ELP4: variants seen among roughly 807,000 people sequenced by gnomAD.
ELP4 encodes the protein elongator acetyltransferase complex subunit 4.
ELP4 carries 51 observed loss-of-function variants against 48.9 expected under a neutral mutation model. The ratio of observed to expected loss-of-function variants is 1.04; its 90% CI spans 0.83 to 1.32. The LOEUF (loss-of-function observed/expected upper bound fraction) is 1.32, where lower values mean the gene tolerates loss of function less well. ELP4 is among the 40% of genes most tolerant of loss of function. The pLI is 0.00. For synonymous variants in ELP4, 210 were observed against 189.2 expected (o/e 1.11, Z -0.90); for missense variants, 519 against 514.6 (o/e 1.01, Z -0.08).
At chr11:31,763,803 A>ATG (rs1361777183) in intron 9 of ELP4, among the ~76,000 whole-genome samples, 3 of 151,770 alleles carry the variant, frequency 2.0e-5, no homozygotes, top group African/African-American at 4.8e-5. Context: ...ACTTATTTTA[A>ATG]TGTTATATGA....
intron 3 of ELP4, among the ~76,000 whole-genome samples, chr11:31,553,865 G>A (rs1204488431): frequency 2.0e-5 from 3 of 152,042 alleles, no homozygotes; most frequent in Non-Finnish European, 4.4e-5. Flanking sequence ...TACTGGAACA[G>A]GGCCTCACAG....
intron 7 of ELP4, chr11:31,634,225 A>T (rs926043387): frequency 9.2e-5 from 14 of 152,048 alleles, no homozygotes; most frequent in South Asian, 2.1e-4. Context: ...AGGAAAAAAA[A>T]GTTACTGGCT....
At chr11:31,639,736 T>C (rs1945052131) in intron 7 of ELP4, among the ~76,000 whole-genome samples, 1 of 151,942 alleles carries the variant, frequency 6.6e-6, no homozygotes, top group Non-Finnish European at 1.5e-5. Context: ...GTCATTTTCA[T>C]CTTTAAAAGA....
chr11:31,659,042 C>T (rs868364431), intron 9 of ELP4, among the ~76,000 whole-genome samples: 41 of 151,648 alleles, frequency 2.7e-4, no homozygotes, highest in African/African-American at 8.0e-4. Flanking sequence ...TTTAGTAATA[C>T]GAAGAAATTG....
intron 9 of ELP4, among the ~76,000 whole-genome samples, chr11:31,728,715 A>G (rs1483220256): frequency 6.6e-6 from 1 of 152,198 alleles, no homozygotes; most frequent in Admixed American, 6.5e-5. Flanking sequence ...TGGATTAATG[A>G]TGTAGATCAT....
At chr11:31,714,262 G>T (rs1946798080) in intron 9 of ELP4, among the ~76,000 whole-genome samples, 1 of 152,110 alleles carries the variant, frequency 6.6e-6, no homozygotes, top group Admixed American at 6.5e-5. Context: ...AAAATCTCTT[G>T]TTGTAATTAA....
chr11:31,627,216 T>G, intron 6 of ELP4, 22 bp downstream of exon 6: 1 of 1,016,514 alleles, frequency 9.8e-7, no homozygotes, highest in Non-Finnish European at 1.4e-6. Flanking sequence ...CTTCAAAGTC[T>G]TTTATAATTA....
intron 9 of ELP4, among the ~76,000 whole-genome samples, chr11:31,780,995 C>T (rs1234024733): frequency 6.6e-6 from 1 of 152,226 alleles, no homozygotes; most frequent in Admixed American, 6.5e-5. Context: ...CCTTCGCCAA[C>T]TGTGATTTCT....
At chr11:31,732,377 G>A (rs1195521400) in intron 9 of ELP4, among the ~76,000 whole-genome samples, 1 of 151,136 alleles carries the variant, frequency 6.6e-6, no homozygotes. Context: ...TGTTATAATT[G>A]TAAAATGTTT....
At chr11:31,690,310 C>T (rs116754878) in intron 9 of ELP4, among the ~76,000 whole-genome samples, 146 of 152,170 alleles carry the variant, frequency 9.6e-4, no homozygotes, top group African/African-American at 3.0e-3. Context: ...TTAAAAGAAA[C>T]CTGTGCCACA....
intron 9 of ELP4, among the ~76,000 whole-genome samples, chr11:31,702,106 A>C (rs1946536185): frequency 6.6e-6 from 1 of 152,096 alleles, no homozygotes; most frequent in Admixed American, 6.6e-5. Context: ...TGAGATGGAA[A>C]GACTTTAAGC....
intron 5 of ELP4, among the ~76,000 whole-genome samples, chr11:31,620,160 T>C (rs1355646372): frequency 6.6e-6 from 1 of 152,002 alleles, no homozygotes; most frequent in Non-Finnish European, 1.5e-5. Context: ...AGGTTTGTGG[T>C]CATGAAGTTA....
intron 9 of ELP4, among the ~76,000 whole-genome samples, chr11:31,727,339 T>G (rs1947096781): frequency 6.6e-6 from 1 of 152,114 alleles, no homozygotes; most frequent in South Asian, 2.1e-4. Flanking sequence ...AGATCTTGAT[T>G]TATTGGCTCA....
Position 31,769,328 on chromosome 11 carries a change from T to G in ELP4, c.1144-14065T>G, listed in dbSNP as rs116904118. On this transcript the variant is annotated intron_variant, in intron 9 of 9. Coordinates refer to ENST00000640961, the MANE Select transcript of ELP4 (RefSeq NM_019040.5). The stretch of plus-strand genomic sequence containing the variant: ...GGCTATTATGCTCTGAGGACTCATT[T>G]GTGTACAGCCAAAAGGAAATCAACA... Among the ~76,000 whole-genome samples the G allele has an allele frequency of 3.4e-3, 524 of 152,302 alleles. 2 individuals are homozygous for G. The highest frequency in any genetic ancestry group is 0.014 in the South Asian group (67 of 4,820).
intron 1 of ELP4, among the ~76,000 whole-genome samples, chr11:31,516,015 G>A (rs1384617277): frequency 1.3e-5 from 2 of 152,092 alleles, no homozygotes; most frequent in Non-Finnish European, 2.9e-5. Flanking sequence ...GGAGGCAGAG[G>A]CAGGAGAATG....
At chr11:31,542,936 G>A (rs180731580) in intron 3 of ELP4, among the ~76,000 whole-genome samples, 2 of 152,206 alleles carry the variant, frequency 1.3e-5, no homozygotes. Context: ...CATGTTAAAT[G>A]GAAACATGGA....
At chr11:31,777,475 G>T (rs1045610007) in intron 9 of ELP4, among the ~76,000 whole-genome samples, 5 of 152,206 alleles carry the variant, frequency 3.3e-5, no homozygotes, top group African/African-American at 1.2e-4. Context: ...CTGAGTGAAT[G>T]CTTCTGGATG....
chr11:31,515,029 G>A (rs1269102382), intron 1 of ELP4, among the ~76,000 whole-genome samples: 242 of 132,650 alleles, frequency 1.8e-3, no homozygotes, highest in African/African-American at 6.2e-3. Context: ...GTGTGTGTGT[G>A]TGTGTATATA....
chr11:31,625,500 A>G (rs1944723872), intron 5 of ELP4, among the ~76,000 whole-genome samples: 1 of 151,844 alleles, frequency 6.6e-6, no homozygotes, highest in African/African-American at 2.4e-5. Context: ...GTCATTTGTG[A>G]CAACATGGGT....
Sources: gnomAD v4.1 joint callset for allele counts (sites outside exome capture counted in the v4.1 genomes callset) on GRCh38, gnomAD v4.1.1 for gene constraint, MANE v1.5 for transcripts, NCBI Gene and HGNC (gene_info 2026-07-23, HGNC 2026-07-21) for gene names.